The following AREL1 variants were observed in gnomAD, a reference collection of about 807,000 sequenced individuals.
The protein encoded by AREL1 is apoptosis-resistant E3 ubiquitin protein ligase 1.
Under a neutral mutation model 99.0 loss-of-function variants are expected in AREL1, and 62 were observed. That is an observed-to-expected ratio of 0.63 (90% CI 0.51 to 0.77). The LOEUF is 0.77. Ranked by LOEUF, AREL1 falls within the 30% of genes least tolerant of loss-of-function variation. The pLI is 0.00. For synonymous variants in AREL1, 380 were observed against 376.5 expected (o/e 1.01, Z -0.11); for missense variants, 879 against 1,027.6 (o/e 0.86, Z 1.98).
Position 74,685,584 on chromosome 14 carries a change from T to A in AREL1, c.16+16A>T. ...TTTACAAAAATATAATAGAGAGAGC[T>A]CTTTCCATAACGTACCAATAACGTA... On this transcript the variant is annotated intron_variant, in intron 3 of 19. Transcript: ENST00000356357. The A allele has an allele frequency of 6.2e-7, 1 of 1,613,966 alleles. No homozygotes were observed. The highest frequency in any genetic ancestry group is 1.1e-5 in the South Asian group (1 of 91,078).
intron 3 of AREL1, 95 bp from the exon 4 acceptor site, chr14:74,684,775 G>A: frequency 1.8e-6 from 2 of 1,129,362 alleles, no homozygotes; most frequent in Non-Finnish European, 2.6e-6. Flanking sequence ...AATTAAAGGA[G>A]GTCAGGATGA....
intron 5 of AREL1, chr14:74,678,073 T>C: frequency 2.6e-6 from 1 of 389,036 alleles, no homozygotes; most frequent in Non-Finnish European, 5.0e-6. Context: ...CCAGCAAGAT[T>C]ATTTATAGAT....
chr14:74,666,591 G>A (rs930934885), intron 17 of AREL1, among the ~76,000 whole-genome samples: 10 of 151,946 alleles, frequency 6.6e-5, no homozygotes, highest in South Asian at 2.1e-4. Flanking sequence ...TGTCTTATTC[G>A]TTACTCTCTC....
intron 5 of AREL1, among the ~76,000 whole-genome samples, chr14:74,680,200 A>C (rs1219304383): frequency 6.6e-6 from 1 of 151,850 alleles, no homozygotes; most frequent in Non-Finnish European, 1.5e-5. Context: ...AAAGAAAGAA[A>C]GAAAAGAAAA....
chr14:74,672,228 T>C (rs1310911318), intron 11 of AREL1, among the ~76,000 whole-genome samples: 2 of 152,210 alleles, frequency 1.3e-5, no homozygotes, highest in African/African-American at 4.8e-5. Context: ...ACCCATTCAG[T>C]AGATTTGAAG....
In AREL1 at chr14:74,683,987, G is replaced by A. The variant is rs7143215; in HGVS notation, c.244-454C>T. On this transcript the variant is annotated intron_variant, in intron 4 of 19. Transcript: ENST00000356357. ...AAGCCAAGCTTAATGCTACAGTGGAGAAGTCAATGCAGGAGTTGGGAAATT... is the reference window on the plus strand; with the variant it reads ...AAGCCAAGCTTAATGCTACAGTGGAAAAGTCAATGCAGGAGTTGGGAAATT... Among the ~76,000 whole-genome samples the A allele has an allele frequency of 6.6e-3, 1,010 of 152,300 alleles. 6 individuals are homozygous for A. The highest frequency in any genetic ancestry group is 0.021 in the African/African-American group (874 of 41,564).
intron 2 of AREL1, chr14:74,691,059 C>G (rs2089867826): frequency 6.6e-6 from 1 of 152,234 alleles, no homozygotes; most frequent in African/African-American, 2.4e-5. Context: ...CGGCTCATAC[C>G]TGTAATCCCA....
intron 6 of AREL1, 32 bp from the exon 7 acceptor site, chr14:74,676,353 T>C (rs1475920154): frequency 6.2e-7 from 1 of 1,603,362 alleles, no homozygotes; most frequent in South Asian, 1.1e-5. Flanking sequence ...TCACTTAACA[T>C]ATAGTATTTT....
At chr14:74,665,710 CTTAAACA>C (rs1405860010) in intron 17 of AREL1, among the ~76,000 whole-genome samples, 1 of 152,142 alleles carries the variant, frequency 6.6e-6, no homozygotes, top group Non-Finnish European at 1.5e-5. Flanking sequence ...ACATCAGAGC[CTTAAACA>C]TCTTGTTAAT....
At position 74,692,289 on chromosome 14, in the gene AREL1, G is replaced by C. The variant is rs2139947045; in HGVS notation, c.-294C>G. 1 of 456,078 alleles carries C rather than the reference G, an allele frequency of 2.2e-6. No homozygotes were observed. Among genetic ancestry groups the C allele is most frequent in the Non-Finnish European group, 4.4e-6 (1 of 226,832 alleles). The allele number at this position is 456,078 out of a possible 1,614,324, so 28.3% of individuals were successfully genotyped here. The stretch of plus-strand genomic sequence containing the variant: ...TATATCATTCCTGGACTTCTCTCTA[G>C]TGCAGGGTGCAATCGACTGCCAAAG... On this transcript the variant is annotated 5_prime_UTR_variant, in exon 2 of 20. Coordinates refer to ENST00000356357, the MANE Select transcript of AREL1 (RefSeq NM_001039479.2).
Position 74,663,755 on chromosome 14 carries a change from T to G in AREL1, c.2437A>C (p.Ile813Leu), listed in dbSNP as rs2089139761. 3 of 1,614,032 alleles carry G rather than the reference T, an allele frequency of 1.9e-6. No homozygotes were observed. Among genetic ancestry groups the G allele is most frequent in the Non-Finnish European group, 2.5e-6 (3 of 1,180,030 alleles). ...CCAAAGCCCTCGCAACCCTCGCTGA[T>G]GGCCAGCTGCAGCATCCTGTGCACC... The part of the protein sequence containing the change: ...EEVHRMLQLA[I>L]SEGCEGFGML The change falls in exon 20 of 20, where the codon ATC (isoleucine) becomes CTC (leucine). Residue 813 changes from isoleucine (I) to leucine (L), a missense_variant. Physicochemically the swap from Ile to Leu is conservative, Grantham distance 5 (BLOSUM62 2). Transcript: ENST00000356357.
chr14:74,711,580 A>G (rs2090290670), intron 1 of AREL1, among the ~76,000 whole-genome samples: 1 of 152,074 alleles, frequency 6.6e-6, no homozygotes, highest in South Asian at 2.1e-4. Context: ...AAATTGGCAT[A>G]AAATTCCAAC....
At position 74,680,278 on chromosome 14, in the gene AREL1, T is replaced by C. The variant is rs183609996; in HGVS notation, c.481+3018A>G. On this transcript the variant is annotated intron_variant, in intron 5 of 19. Coordinates refer to ENST00000356357, the MANE Select transcript of AREL1 (RefSeq NM_001039479.2). ...AAGAGACATTTCACCAAAGGATACATAGATGACAGACAGGCACATGAAAAG... is the reference window on the plus strand; with the variant it reads ...AAGAGACATTTCACCAAAGGATACACAGATGACAGACAGGCACATGAAAAG... 6.1e-4 allele frequency among the ~76,000 whole-genome samples: 93 copies of C among 151,986 alleles called. 1 individual carries two copies. The highest frequency in any genetic ancestry group is 3.1e-3 in the Admixed American group (47 of 15,274).
intron 1 of AREL1, among the ~76,000 whole-genome samples, chr14:74,696,037 A>C (rs1057479631): frequency 1.3e-5 from 2 of 152,190 alleles, no homozygotes; most frequent in African/African-American, 4.8e-5. Context: ...GTTTTTGTGA[A>C]AACAGCCAAG....
chr14:74,676,354 A>G, intron 6 of AREL1, 33 bp from the exon 7 acceptor site: 2 of 1,603,360 alleles, frequency 1.2e-6, no homozygotes, highest in African/African-American at 1.3e-5. Context: ...CACTTAACAT[A>G]TAGTATTTTC....
intron 15 of AREL1, among the ~76,000 whole-genome samples, chr14:74,667,822 C>G (rs1202677409): frequency 6.6e-6 from 1 of 152,280 alleles, no homozygotes; most frequent in Admixed American, 6.5e-5. Context: ...GAAATGGGTG[C>G]CTGGGTAAGG....
intron 1 of AREL1, among the ~76,000 whole-genome samples, chr14:74,708,735 C>T (rs1207048415): frequency 6.6e-6 from 1 of 152,210 alleles, no homozygotes; most frequent in Non-Finnish European, 1.5e-5. Context: ...AAACATGATG[C>T]AAATTGCTCA....
Position 74,670,880 on chromosome 14 carries a change from C to G in AREL1, c.1499-9G>C, listed in dbSNP as rs1477828300. ...CCCTCCCCAGTCCAGAGCTGAAAAG[C>G]ATAATGAAAATAAAAAATGACTCTG... is the stretch of plus-strand genomic sequence containing the variant. On this transcript the variant is annotated splice_polypyrimidine_tract_variant and intron_variant, in intron 12 of 19. Transcript: ENST00000356357. 6.2e-7 allele frequency: 1 copy of G among 1,608,834 alleles called. No homozygotes were observed. The highest frequency in any genetic ancestry group is 1.7e-5 in the Admixed American group (1 of 59,790).
intron 5 of AREL1, among the ~76,000 whole-genome samples, chr14:74,677,332 C>T (rs1463953981): frequency 6.6e-6 from 1 of 151,672 alleles, no homozygotes; most frequent in Non-Finnish European, 1.5e-5. Flanking sequence ...AAGACCATCT[C>T]TACAAAAAAT....
Sources: allele counts gnomAD v4.1 joint callset (sites outside exome capture counted in the v4.1 genomes callset), GRCh38; gene constraint gnomAD v4.1.1; transcripts MANE v1.5; gene names NCBI Gene and HGNC (gene_info 2026-07-23, HGNC 2026-07-21).